Variants in POMT2 observed in about 807,000 individuals in gnomAD.
POMT2 encodes the protein protein O-mannosyl-transferase 2.
Under a neutral mutation model 100.0 loss-of-function variants are expected in POMT2, and 75 were observed. The observed-to-expected ratio is 0.75, with a 90% confidence interval of 0.62 to 0.91. The LOEUF is 0.91. POMT2 is among the 40% of genes least tolerant of loss of function. The pLI is 0.00. For synonymous variants in POMT2, 378 were observed against 374.1 expected (o/e 1.01, Z -0.12); for missense variants, 940 against 955.1 (o/e 0.98, Z 0.21).
chr14:77,291,929 C>A (rs906895474), intron 9 of POMT2, among the ~76,000 whole-genome samples: 13 of 152,046 alleles, frequency 8.6e-5, no homozygotes, highest in Non-Finnish European at 1.8e-4. Context: ...ACTCAGGAGG[C>A]TAAGGCAGGA....
At chr14:77,290,869 T>G (rs779398055) in intron 10 of POMT2, among the ~76,000 whole-genome samples, 2 of 152,208 alleles carry the variant, frequency 1.3e-5, no homozygotes, top group Non-Finnish European at 2.9e-5. Context: ...AGGCCAGGGC[T>G]GAGCAGTGGG....
At chr14:77,301,029 G>A in intron 6 of POMT2, 61 bp downstream of exon 6, 3 of 1,611,624 alleles carry the variant, frequency 1.9e-6, no homozygotes, top group Non-Finnish European at 2.5e-6. Context: ...AAGGCCACCA[G>A]CTCCTACTCA....
At position 77,301,178 on chromosome 14, in the gene POMT2, T is replaced by C; in HGVS notation, c.728A>G (p.Lys243Arg). 1 of 1,614,176 alleles carries C rather than the reference T, an allele frequency of 6.2e-7. No homozygotes were observed. Among genetic ancestry groups the C allele is most frequent in the South Asian group, 1.1e-5 (1 of 91,090 alleles). ...GVSLAGALGVKFVGLFIILQV... is the reference protein window; with the variant it reads ...GVSLAGALGVRFVGLFIILQV... ...AAGGATGATAAAGAGGCCAACAAAC[T>C]TGACCCCTAAAGCACCAGCAAGACT... Residue 243 changes from lysine to arginine, a missense_variant, in exon 6 of 21, where the codon AAG becomes AGG. Transcript: ENST00000261534.
intron 10 of POMT2, among the ~76,000 whole-genome samples, chr14:77,290,167 C>T (rs17105674): frequency 0.02 from 3,004 of 152,286 alleles, 48 homozygotes; most frequent in Middle Eastern, 0.071. Context: ...TTAATCACTT[C>T]GATGAAATGC....
chr14:77,277,038 G>A lies in POMT2; in HGVS notation c.*338C>T, dbSNP rs1594881648. 3.0e-6 allele frequency: 1 copy of A among 335,542 alleles called. No homozygotes were observed. The highest frequency in any genetic ancestry group is 9.4e-4 in the Middle Eastern group (1 of 1,066). 20.8% of individuals were successfully genotyped at this position (335,542 alleles called of 1,614,324 possible). On this transcript the variant is annotated 3_prime_UTR_variant, in exon 21 of 21. Coordinates refer to ENST00000261534, the MANE Select transcript of POMT2 (RefSeq NM_013382.7). Reference sequence around the variant, plus strand: ...TGACACTCAGCTGTCCAGTTACACGGTCTGTATTCCACAGGGATATGGACA... The same window carrying A: ...TGACACTCAGCTGTCCAGTTACACGATCTGTATTCCACAGGGATATGGACA...
chr14:77,300,834 G>T, intron 6 of POMT2: 16 of 370,494 alleles, frequency 4.3e-5, no homozygotes, highest in East Asian at 2.0e-4. Context: ...AAAAAAAAAA[G>T]ACAGACATTA....
chr14:77,281,362 T>C (rs1308830824), intron 15 of POMT2, among the ~76,000 whole-genome samples: 2 of 152,174 alleles, frequency 1.3e-5, no homozygotes, highest in African/African-American at 2.4e-5. Context: ...TTGTGCTTTA[T>C]ACATAAAAAA....
Position 77,296,154 on chromosome 14 carries a change from G to T in POMT2, c.1116+10C>A. On this transcript the variant is annotated intron_variant, in intron 9 of 20. Transcript: ENST00000261534. ...TTGCTGCCGTACAAGTGCACAAAAG[G>T]CTCACTGACCTGCTGCTGACGGGCA... 1 of 1,584,424 alleles carries T rather than the reference G, an allele frequency of 6.3e-7. No individual in the cohort carries two copies. The highest frequency in any genetic ancestry group is 1.7e-4 in the Middle Eastern group (1 of 6,028).
chr14:77,301,653 T>C (rs1891047821), intron 5 of POMT2, among the ~76,000 whole-genome samples: 1 of 152,208 alleles, frequency 6.6e-6, no homozygotes. Flanking sequence ...ACCGAGTGCT[T>C]ACTATGTATG....
In POMT2 at chr14:77,276,007, T is replaced by C. The variant is rs1269125939; in HGVS notation, c.*1369A>G. 1 of 152,558 alleles carries C rather than the reference T, an allele frequency of 6.6e-6. No homozygotes were observed. Among genetic ancestry groups the C allele is most frequent in the African/African-American group, 2.4e-5 (1 of 41,442 alleles). 9.5% of individuals were successfully genotyped at this position (152,558 alleles called of 1,614,324 possible). The stretch of plus-strand genomic sequence containing the variant: ...AAGAGATCTGACCCTGTCAGAGTTG[T>C]TGGGAGCTTCAGAGGAGGGAAAATG... On this transcript the variant is annotated 3_prime_UTR_variant, in exon 21 of 21. Transcript: ENST00000261534.
chr14:77,286,077 T>C (rs1179302896), intron 12 of POMT2, among the ~76,000 whole-genome samples: 1 of 152,196 alleles, frequency 6.6e-6, no homozygotes, highest in Non-Finnish European at 1.5e-5. Flanking sequence ...AATTAAGACA[T>C]GTATGTCTAA....
At chr14:77,299,399 G>A (rs1447136901) in intron 7 of POMT2, 56 bp downstream of exon 7, 2 of 1,500,106 alleles carry the variant, frequency 1.3e-6, no homozygotes, top group Non-Finnish European at 1.9e-6. Flanking sequence ...CCCCTCCACA[G>A]GCTTAGGAGC....
At chr14:77,303,884 A>T (rs1335004134) in intron 4 of POMT2, among the ~76,000 whole-genome samples, 1 of 152,218 alleles carries the variant, frequency 6.6e-6, no homozygotes, top group African/African-American at 2.4e-5. Context: ...AGAGTGACTC[A>T]TCAGTGTATC....
Position 77,279,339 on chromosome 14 carries a change from T to C in POMT2, c.1892-470A>G, listed in dbSNP as rs1594884332. 3 of 367,314 alleles carry C rather than the reference T, an allele frequency of 8.2e-6. No individual in the cohort carries two copies. In the East Asian group the frequency reaches 2.1e-4, roughly 26 times the overall value. The allele number at this position is 367,314 out of a possible 1,614,324, so 22.8% of individuals were successfully genotyped here. On this transcript the variant is annotated intron_variant, in intron 18 of 20. Transcript: ENST00000261534. ...GTCTCAGGTGCTGTGGCCCATGGTC[T>C]GGCAGCCAAAGTTACCAAGAACAGC...
chr14:77,280,925 T>C (rs894847572), intron 15 of POMT2, among the ~76,000 whole-genome samples: 3 of 151,838 alleles, frequency 2.0e-5, no homozygotes, highest in Non-Finnish European at 4.4e-5. Context: ...AACCCCGTCT[T>C]TACTAAAAAA....
At position 77,311,954 on chromosome 14, in the gene POMT2, C is replaced by T; in HGVS notation, c.328G>A (p.Gly110Arg). 1 of 1,614,060 alleles carries T rather than the reference C, an allele frequency of 6.2e-7. No homozygotes were observed. The highest frequency in any genetic ancestry group is 8.5e-7 in the Non-Finnish European group (1 of 1,179,958). The change falls in exon 2 of 21, where the codon GGA (glycine) becomes AGA (arginine). Residue 110 changes from glycine to arginine, a missense_variant. Transcript: ENST00000261534. ...CTATTCACCACACTGCTCACCTTTCCCAGGGGCGGGTGCACATCAAAGAAA... is the reference window on the plus strand; with the variant it reads ...CTATTCACCACACTGCTCACCTTTCTCAGGGGCGGGTGCACATCAAAGAAA... ...TFFFDVHPPL[G>R]KMLIGLAGYL...
In POMT2 at chr14:77,283,796, C is replaced by A; in HGVS notation, c.1653+1G>T. The A allele has an allele frequency of 1.2e-6, 2 of 1,603,916 alleles. No individual in the cohort carries two copies. The highest frequency in any genetic ancestry group is 8.5e-7 in the Non-Finnish European group (1 of 1,170,724). On this transcript the variant is annotated splice_donor_variant, in intron 15 of 20. Coordinates refer to ENST00000261534, the MANE Select transcript of POMT2 (RefSeq NM_013382.7). LOFTEE classifies it high-confidence loss of function. ...CCATGAAATGAGAAGGGGACACATA[C>A]CCGGATCATGACCATGTGGGATTCC...
intron 20 of POMT2, among the ~76,000 whole-genome samples, chr14:77,278,078 C>T (rs1890042691): frequency 6.6e-6 from 1 of 152,220 alleles, no homozygotes; most frequent in African/African-American, 2.4e-5. Flanking sequence ...CACACTCCCC[C>T]TCTGAGAGCT....
rs1271261455 is a variant in POMT2 at position 77,296,209 on chromosome 14, G to C, written c.1071C>G (p.Ser357=). The C allele has an allele frequency of 1.2e-6, 2 of 1,609,522 alleles. No homozygotes were observed. The highest frequency in any genetic ancestry group is 1.7e-6 in the Non-Finnish European group (2 of 1,178,458). ...TGCCCTCGGGGTAGAGGTGCCTGTG[G>C]GAGTGCAGATAGCCGATGGCCATCC... The part of the protein sequence containing the change: ...NLRMAIGYLH[S]HRHLYPEGIG... Residue 357 remains serine, a synonymous_variant, in exon 9 of 21, where the codon TCC becomes TCG. Transcript: ENST00000261534.
Sources: allele counts gnomAD v4.1 joint callset (sites outside exome capture counted in the v4.1 genomes callset), GRCh38; gene constraint gnomAD v4.1.1; transcripts MANE v1.5; gene names NCBI Gene and HGNC (gene_info 2026-07-23, HGNC 2026-07-21).